RFX3: variants seen among roughly 807,000 people sequenced by gnomAD.
RFX3 encodes regulatory factor X3.
A neutral mutation model predicts 98.6 loss-of-function variants in RFX3; 14 were observed. The observed-to-expected ratio is 0.14, with a 90% confidence interval of 0.09 to 0.22. The LOEUF is 0.22. Among genes scored for constraint, RFX3 ranks in the 10% least tolerant of loss-of-function variants. RFX3 has a pLI of 1.00. For synonymous variants in RFX3, 383 were observed against 328.4 expected, an observed-to-expected ratio of 1.17 and a Z score of -1.80; for missense variants, 639 against 926.9, an observed-to-expected ratio of 0.69 and a Z score of 4.03.
intron 3 of RFX3, among the ~76,000 whole-genome samples, chr9:3,338,161 T>G (rs1833413877): frequency 6.6e-6 from 1 of 152,076 alleles, no homozygotes; most frequent in African/African-American, 2.4e-5. Context: ...CCTTACTACA[T>G]AAGAATAAAA....
chr9:3,352,988 A>C (rs1226638695), intron 2 of RFX3, among the ~76,000 whole-genome samples: 1 of 152,002 alleles, frequency 6.6e-6, no homozygotes, highest in African/African-American at 2.4e-5. Context: ...AAAATGTGGC[A>C]CATATACACC....
intron 1 of RFX3, among the ~76,000 whole-genome samples, chr9:3,497,486 C>T (rs192939384): frequency 1.4e-4 from 22 of 152,038 alleles, no homozygotes; most frequent in Admixed American, 1.4e-3. Flanking sequence ...TTACATTGAA[C>T]TGGAGCTGTA....
At position 3,375,802 on chromosome 9, in the gene RFX3, T is replaced by C. The variant is rs1295059808; in HGVS notation, c.117+19670A>G. Among the ~76,000 whole-genome samples the C allele has an allele frequency of 3.3e-5, 5 of 151,928 alleles. No homozygotes were observed. The East Asian group carries it at 9.7e-4, about 30-fold the overall frequency. ...GGTGAAACCCCGCCTCTACTAAAAA[T>C]ATAAAAAATTAGCTAGGCATGGTGG... On this transcript the variant is annotated intron_variant, in intron 2 of 16. Transcript: ENST00000617270.
chr9:3,380,491 A>G (rs911263104), intron 2 of RFX3, among the ~76,000 whole-genome samples: 3 of 152,176 alleles, frequency 2.0e-5, no homozygotes, highest in Admixed American at 6.6e-5. Flanking sequence ...CAGATGCTCA[A>G]TCAGTATTAT....
rs1822212441 is a variant in RFX3, at chr9:3,256,859, G to C, written c.1814+132C>G. On this transcript the variant is annotated intron_variant, in intron 14 of 16. Coordinates refer to ENST00000617270, the MANE Select transcript of RFX3 (RefSeq NM_001282116.2). ...TCACTGAGTTGGGTTGAAGGTAGTT[G>C]TAACAGGGAGTTTCCACAAACTAAA... The C allele has an allele frequency of 3.9e-5, 31 of 785,836 alleles. 1 individual carries two copies. The South Asian group carries it at 5.2e-4, about 13-fold the overall frequency. 48.7% of individuals were successfully genotyped at this position (785,836 alleles called of 1,614,324 possible). A position where few individuals can be genotyped will look rare whatever the true frequency, so the allele number is the denominator to read the frequency against.
intron 2 of RFX3, among the ~76,000 whole-genome samples, chr9:3,350,793 G>T (rs1438607549): frequency 1.3e-5 from 2 of 152,090 alleles, no homozygotes; most frequent in African/African-American, 2.4e-5. Context: ...GCCATGAAAT[G>T]ACATGAGAGA....
At chr9:3,319,368 A>G (rs1264763012) in intron 4 of RFX3, among the ~76,000 whole-genome samples, 1 of 151,144 alleles carries the variant, frequency 6.6e-6, no homozygotes, top group Non-Finnish European at 1.5e-5. Context: ...TTTTTTTTTC[A>G]TTGCCAGAGT....
intron 1 of RFX3, among the ~76,000 whole-genome samples, chr9:3,427,685 CAGAA>C (rs1454805123): frequency 9.2e-5 from 14 of 151,558 alleles, no homozygotes; most frequent in Non-Finnish European, 1.6e-4. Flanking sequence ...TCTCTTTTGG[CAGAA>C]TTAAACTTGG....
chr9:3,477,216 C>T (rs977495373), intron 1 of RFX3, among the ~76,000 whole-genome samples: 1 of 152,168 alleles, frequency 6.6e-6, no homozygotes, highest in Non-Finnish European at 1.5e-5. Context: ...CTATCCCTAA[C>T]AAAAACTTCA....
At chr9:3,270,048 C>CA (rs1170049373) in intron 11 of RFX3, among the ~76,000 whole-genome samples, 82 of 102,870 alleles carry the variant, frequency 8.0e-4, no homozygotes, top group African/African-American at 4.0e-3. Flanking sequence ...GCTTTTCTAT[C>CA]AAAAAAAAGA....
chr9:3,423,954 C>T (rs1049332892), intron 1 of RFX3, among the ~76,000 whole-genome samples: 3 of 151,342 alleles, frequency 2.0e-5, no homozygotes, highest in East Asian at 2.0e-4. Context: ...GAGACCATCC[C>T]GGCTAACATG....
intron 1 of RFX3, among the ~76,000 whole-genome samples, chr9:3,444,928 G>T (rs74905570): frequency 0.029 from 4,366 of 152,260 alleles, 225 homozygotes; most frequent in African/African-American, 0.1. Flanking sequence ...TTAGGTGAGG[G>T]TCTAGGAGAA....
At chr9:3,410,834 A>G (rs1842405318) in intron 1 of RFX3, among the ~76,000 whole-genome samples, 1 of 152,170 alleles carries the variant, frequency 6.6e-6, no homozygotes, top group South Asian at 2.1e-4. Context: ...GAAACCAACC[A>G]CGCCGCTTGA....
chr9:3,321,583 C>A (rs1035389922), intron 4 of RFX3, among the ~76,000 whole-genome samples: 1 of 152,098 alleles, frequency 6.6e-6, no homozygotes, highest in African/African-American at 2.4e-5. Flanking sequence ...TAAGAGTGGT[C>A]TATAAATTTA....
At chr9:3,451,011 C>A (rs1326844377) in intron 1 of RFX3, among the ~76,000 whole-genome samples, 3 of 152,136 alleles carry the variant, frequency 2.0e-5, no homozygotes, top group African/African-American at 7.2e-5. Flanking sequence ...GGAGAAAAAG[C>A]TGATTCTAGG....
intron 15 of RFX3, among the ~76,000 whole-genome samples, chr9:3,239,000 GA>G (rs571555250): frequency 0.023 from 2,418 of 103,840 alleles, 39 homozygotes; most frequent in African/African-American, 0.064. Flanking sequence ...CCATCTCAAA[GA>G]AAAAAAAAAA....
In RFX3 at chr9:3,429,025, CT is replaced by C. The variant is rs5896011; in HGVS notation, c.-8-33430del. Among the ~76,000 whole-genome samples the C allele has an allele frequency of 6.8e-3, 947 of 139,036 alleles. 2 individuals are homozygous for C. The highest frequency in any genetic ancestry group is 0.026 in the South Asian group (116 of 4,448). The allele number at this position is 139,036 out of a possible 152,430, so 91.2% of individuals were successfully genotyped here. On this transcript the variant is annotated intron_variant, in intron 1 of 16. Coordinates refer to ENST00000617270, the MANE Select transcript of RFX3 (RefSeq NM_001282116.2). ...CATTTCTTTTTAATTTTTAGTTACT[CT>C]TTTTTTTTTTTTTTGAGACGGAGTC...
At chr9:3,408,593 GTCTCTCTCTCTC>G (rs746689896) in intron 1 of RFX3, among the ~76,000 whole-genome samples, 1 of 147,926 alleles carries the variant, frequency 6.8e-6, no homozygotes, top group Non-Finnish European at 1.5e-5. Flanking sequence ...CTCTGTCTCT[GTCTCTCTCTCTC>G]TCTCTCTCAC....
intron 1 of RFX3, among the ~76,000 whole-genome samples, chr9:3,504,278 T>A (rs895208780): frequency 7.9e-6 from 1 of 127,162 alleles, no homozygotes; most frequent in South Asian, 2.3e-4. Context: ...ATATTGTATA[T>A]AACATATAAA....
Sources: allele counts gnomAD v4.1 joint callset (sites outside exome capture counted in the v4.1 genomes callset), GRCh38; gene constraint gnomAD v4.1.1; transcripts MANE v1.5; gene names NCBI Gene and HGNC (gene_info 2026-07-23, HGNC 2026-07-21).